Variants in CFAP299 observed in about 807,000 individuals in gnomAD.
The protein encoded by CFAP299 is cilia and flagella associated protein 299, also known as cilia- and flagella-associated protein 299.
Under a neutral mutation model 27.0 loss-of-function variants are expected in CFAP299, and 21 were observed. The observed-to-expected ratio is 0.78, with a 90% CI of 0.55 to 1.12. The LOEUF is 1.12. Among genes scored for constraint, CFAP299 ranks in the 50% most tolerant of loss-of-function variants. The probability of loss-of-function intolerance (pLI) is 0.00; values close to 1 mark genes in which losing one functional copy is unlikely to be tolerated. For synonymous variants in CFAP299, 104 were observed against 98.1 expected (o/e 1.06, Z -0.36); for missense variants, 310 against 276.6 (o/e 1.12, Z -0.86).
chr4:80,840,076 A>G (rs1578171850), intron 3 of CFAP299, among the ~76,000 whole-genome samples: 1 of 152,192 alleles, frequency 6.6e-6, no homozygotes, highest in Non-Finnish European at 1.5e-5. Flanking sequence ...GAAAAATCTG[A>G]AACAGTTCAT....
At chr4:80,371,367 AG>A (rs1724142749) in intron 2 of CFAP299, among the ~76,000 whole-genome samples, 1 of 152,176 alleles carries the variant, frequency 6.6e-6, no homozygotes, top group Admixed American at 6.5e-5. Context: ...CTTGGCTATT[AG>A]CACCTGGCTC....
At chr4:80,744,260 T>C (rs1724453971) in intron 3 of CFAP299, among the ~76,000 whole-genome samples, 1 of 152,136 alleles carries the variant, frequency 6.6e-6, no homozygotes, top group Non-Finnish European at 1.5e-5. Flanking sequence ...TTCCATTTCC[T>C]GGATGTCTTA....
chr4:80,949,842 T>G (rs1737678767), intron 5 of CFAP299, among the ~76,000 whole-genome samples: 1 of 152,074 alleles, frequency 6.6e-6, no homozygotes. Context: ...TGGGGAAATA[T>G]GCCAAGCATC....
intron 3 of CFAP299, among the ~76,000 whole-genome samples, chr4:80,653,390 G>A (rs9995883): frequency 0.72 from 108,112 of 150,516 alleles, 41,626 homozygotes; most frequent in Non-Finnish European, 0.85. Flanking sequence ...ACTGGATTAT[G>A]TATACAGTAC....
At chr4:80,557,585 A>AT (rs1734840673) in intron 2 of CFAP299, among the ~76,000 whole-genome samples, 1 of 152,114 alleles carries the variant, frequency 6.6e-6, no homozygotes, top group African/African-American at 2.4e-5. Context: ...TACTCATTGC[A>AT]TATATCTGAT....
intron 4 of CFAP299, among the ~76,000 whole-genome samples, chr4:80,924,538 G>GTGTGTATA (rs5859742): frequency 9.0e-4 from 118 of 131,676 alleles, no homozygotes; most frequent in Middle Eastern, 7.8e-3. Flanking sequence ...GTGTGTGTGT[G>GTGTGTATA]TATATATATA....
chr4:80,798,335 C>A (rs571872925), intron 3 of CFAP299, among the ~76,000 whole-genome samples: 1 of 152,142 alleles, frequency 6.6e-6, no homozygotes, highest in African/African-American at 2.4e-5. Context: ...AGGCTGATGG[C>A]AGCATGAGTC....
intron 3 of CFAP299, among the ~76,000 whole-genome samples, chr4:80,681,802 T>TTGTGGGGAAACATTTTGA (rs1719860945): frequency 6.6e-6 from 1 of 152,144 alleles, no homozygotes; most frequent in Non-Finnish European, 1.5e-5. Context: ...CATGAATACT[T>TTGTGGGGAAACATTTTGA]TGTGGGGAAA....
intron 2 of CFAP299, among the ~76,000 whole-genome samples, chr4:80,374,811 T>G (rs1331491018): frequency 2.6e-5 from 4 of 152,190 alleles, no homozygotes; most frequent in Middle Eastern, 3.4e-3. Context: ...ACCTGAAATA[T>G]CCTATTGGCT....
chr4:80,936,399 A>G (rs72865195), intron 4 of CFAP299, among the ~76,000 whole-genome samples: 49,016 of 152,000 alleles, frequency 0.32, 12,205 homozygotes, highest in African/African-American at 0.69. Flanking sequence ...GCCCATCAAT[A>G]GTAAACAAGA....
intron 3 of CFAP299, among the ~76,000 whole-genome samples, chr4:80,766,510 T>C (rs1362154451): frequency 6.6e-6 from 1 of 152,206 alleles, no homozygotes; most frequent in Non-Finnish European, 1.5e-5. Context: ...TACAACACTT[T>C]AACAACATTT....
chr4:80,683,922 G>T (rs1021830103), intron 3 of CFAP299, among the ~76,000 whole-genome samples: 15 of 152,156 alleles, frequency 9.9e-5, no homozygotes, highest in African/African-American at 3.6e-4. Flanking sequence ...AACCTTTGTT[G>T]AGTTTGAGTG....
chr4:80,608,987 TGA>T (rs988496135), intron 3 of CFAP299, among the ~76,000 whole-genome samples: 2 of 151,762 alleles, frequency 1.3e-5, no homozygotes, highest in African/African-American at 4.8e-5. Flanking sequence ...AAAAATAACT[TGA>T]GATTGCCTAC....
intron 2 of CFAP299, among the ~76,000 whole-genome samples, chr4:80,379,128 G>C (rs1389045945): frequency 6.6e-6 from 1 of 151,936 alleles, no homozygotes; most frequent in Non-Finnish European, 1.5e-5. Context: ...ATAGATAATA[G>C]GGAAAATCAG....
intron 3 of CFAP299, among the ~76,000 whole-genome samples, chr4:80,672,088 CA>C (rs1293697846): frequency 6.6e-6 from 1 of 152,134 alleles, no homozygotes; most frequent in Non-Finnish European, 1.5e-5. Flanking sequence ...TGCCAGTTTT[CA>C]AAGGGAATGC....
intron 2 of CFAP299, among the ~76,000 whole-genome samples, chr4:80,516,594 A>C (rs754658734): frequency 1.9e-4 from 29 of 152,126 alleles, no homozygotes; most frequent in Non-Finnish European, 3.8e-4. Context: ...CTCACTTATC[A>C]CCAAGAAGAT....
chr4:80,799,865 T>A (rs189266878), intron 3 of CFAP299, among the ~76,000 whole-genome samples: 8,723 of 35,548 alleles, frequency 0.25, 1,438 homozygotes, highest in African/African-American at 0.45. Context: ...AAATATATAT[T>A]ATATATATTA....
At chr4:80,338,343 A>G (rs1578328359) in intron 1 of CFAP299, among the ~76,000 whole-genome samples, 1 of 152,298 alleles carries the variant, frequency 6.6e-6, no homozygotes, top group South Asian at 2.1e-4. Flanking sequence ...AGAACATAAT[A>G]TATTGTTATT....
intron 3 of CFAP299, among the ~76,000 whole-genome samples, chr4:80,673,872 T>A (rs567304626): frequency 1.3e-5 from 2 of 150,422 alleles, no homozygotes; most frequent in Admixed American, 1.3e-4. Flanking sequence ...TTTCATTTCC[T>A]TGGTAGATCT....
Sources: gnomAD v4.1 joint callset for allele counts (sites outside exome capture counted in the v4.1 genomes callset) on GRCh38, gnomAD v4.1.1 for gene constraint, MANE v1.5 for transcripts, NCBI Gene and HGNC (gene_info 2026-07-23, HGNC 2026-07-21) for gene names.